Variants in VAC14 observed in about 807,000 individuals in gnomAD.
VAC14 encodes protein VAC14 homolog.
In VAC14, 47 loss-of-function variants were observed where a neutral mutation model predicts 85.3. The observed-to-expected ratio is 0.55, with a 90% CI of 0.44 to 0.70. VAC14 has a LOEUF of 0.70. Among genes scored for constraint, VAC14 ranks in the 30% least tolerant of loss-of-function variants. VAC14 has a pLI of 0.00. For synonymous variants in VAC14, 447 were observed against 430.5 expected (o/e 1.04, Z -0.47); for missense variants, 861 against 1,004.3 (o/e 0.86, Z 1.93).
chr16:70,778,234 G>A lies in VAC14; in HGVS notation c.1096+2556C>T, dbSNP rs571184626. Among the ~76,000 whole-genome samples the A allele has an allele frequency of 1.1e-4, 16 of 152,214 alleles. No homozygotes were observed. The South Asian group carries it at 1.2e-3, about 12-fold the overall frequency. On this transcript the variant is annotated intron_variant, in intron 9 of 18. Transcript: ENST00000261776. ...GCTGCACTGGCCGGGAATCAAACCC[G>A]GGCCTCCCGCGTGGCAGGCGAGAAT...
chr16:70,793,386 T>A (rs2034418381), intron 1 of VAC14, among the ~76,000 whole-genome samples: 1 of 152,186 alleles, frequency 6.6e-6, no homozygotes, highest in African/African-American at 2.4e-5. Flanking sequence ...ATTACACCCA[T>A]TTTACAGTTT....
At chr16:70,710,824 A>G (rs1295042067) in intron 14 of VAC14, among the ~76,000 whole-genome samples, 2 of 152,158 alleles carry the variant, frequency 1.3e-5, no homozygotes, top group Non-Finnish European at 2.9e-5. Flanking sequence ...TCCCTCCCCC[A>G]AATTATTTAA....
chr16:70,795,735 G>A (rs1026647383), intron 1 of VAC14, among the ~76,000 whole-genome samples: 1 of 152,182 alleles, frequency 6.6e-6, no homozygotes, highest in Non-Finnish European at 1.5e-5. Flanking sequence ...GGCATGGCCT[G>A]GGCCACCTAG....
intron 13 of VAC14, among the ~76,000 whole-genome samples, chr16:70,734,939 C>A (rs2054703097): frequency 6.6e-6 from 1 of 152,224 alleles, no homozygotes; most frequent in Non-Finnish European, 1.5e-5. Context: ...GTCTTCAGAG[C>A]CCATGTCCTT....
At chr16:70,765,117 C>G (rs1382754582) in intron 10 of VAC14, among the ~76,000 whole-genome samples, 1 of 152,108 alleles carries the variant, frequency 6.6e-6, no homozygotes, top group Non-Finnish European at 1.5e-5. Context: ...CTTTCCTGAC[C>G]CTGTGAGCCC....
chr16:70,698,085 C>T (rs557820898), intron 15 of VAC14, among the ~76,000 whole-genome samples: 7 of 152,310 alleles, frequency 4.6e-5, no homozygotes, highest in African/African-American at 1.4e-4. Flanking sequence ...TCTGACCAGT[C>T]GTTGGTGCAT....
intron 14 of VAC14, chr16:70,715,760 G>C (rs905889377): frequency 6.6e-6 from 1 of 152,336 alleles, no homozygotes; most frequent in South Asian, 2.1e-4. Context: ...TGGAAGACGC[G>C]TATGCGGTGG....
At chr16:70,725,147 G>A (rs1364445166) in intron 14 of VAC14, among the ~76,000 whole-genome samples, 2 of 152,250 alleles carry the variant, frequency 1.3e-5, no homozygotes, top group South Asian at 2.1e-4. Flanking sequence ...AGCACAATGG[G>A]CTTCTGGGGG....
intron 17 of VAC14, 53 bp from the exon 18 acceptor site, chr16:70,693,024 C>A: frequency 6.4e-7 from 1 of 1,572,920 alleles, no homozygotes; most frequent in Non-Finnish European, 8.6e-7. Flanking sequence ...CTGGGACACG[C>A]CCAGCCCACA....
At chr16:70,765,825 A>G (rs188208852) in intron 10 of VAC14, among the ~76,000 whole-genome samples, 21 of 152,130 alleles carry the variant, frequency 1.4e-4, no homozygotes, top group East Asian at 5.8e-4. Flanking sequence ...GTTAGCACAC[A>G]TTTTTCAGTG....
At chr16:70,736,012 T>C (rs961463878) in intron 13 of VAC14, among the ~76,000 whole-genome samples, 30 of 152,282 alleles carry the variant, frequency 2.0e-4, no homozygotes, top group African/African-American at 6.3e-4. Flanking sequence ...GGAGATGAAT[T>C]TGGTAGGCCG....
At chr16:70,722,476 G>C (rs1002000909) in intron 14 of VAC14, among the ~76,000 whole-genome samples, 13 of 152,222 alleles carry the variant, frequency 8.5e-5, no homozygotes, top group Non-Finnish European at 1.5e-4. Flanking sequence ...GACGGGGCCA[G>C]GGTTGTGGGG....
chr16:70,702,189 G>C (rs2053842121), intron 14 of VAC14, among the ~76,000 whole-genome samples: 1 of 152,232 alleles, frequency 6.6e-6, no homozygotes, highest in African/African-American at 2.4e-5. Flanking sequence ...CCAGTGTGTG[G>C]AAAACGGCAG....
chr16:70,800,801 C>A lies in VAC14; in HGVS notation c.100G>T (p.Glu34Ter). Residue 34 changes from glutamate to a stop codon, truncating the protein, a stop_gained, in exon 1 of 19, where the codon GAG (glutamate) becomes TAG (stop). Coordinates refer to ENST00000261776, the MANE Select transcript of VAC14 (RefSeq NM_018052.5). LOFTEE classifies it high-confidence loss of function. ...EKRKVAALEIEKLVREFVAQN... is the reference protein window; with the variant it reads ...EKRKVAALEI ...AGGGGTCCTGGCGGCTCTTACTTCT[C>A]GATCTCCAGCGCTGCCACCTTCCGC... 6.2e-7 allele frequency: 1 copy of A among 1,609,828 alleles called. No individual in the cohort carries two copies. Among genetic ancestry groups the A allele is most frequent in the Admixed American group, 1.7e-5 (1 of 59,798 alleles).
At chr16:70,695,891 G>A (rs967971266) in intron 16 of VAC14, 13 of 345,076 alleles carry the variant, frequency 3.8e-5, no homozygotes, top group South Asian at 2.6e-4. Flanking sequence ...TTATCACAGC[G>A]CTGCAGCCCG....
At chr16:70,694,074 C>G (rs3785426) in intron 17 of VAC14, among the ~76,000 whole-genome samples, 78,980 of 152,198 alleles carry the variant, frequency 0.52, 21,426 homozygotes, top group Non-Finnish European at 0.59. Flanking sequence ...CCGGTGGCCA[C>G]ACCAGCCACC....
chr16:70,762,696 A>G lies in VAC14; in HGVS notation c.1306-91T>C. 6.7e-7 allele frequency: 1 copy of G among 1,500,702 alleles called. No individual in the cohort carries two copies. Among genetic ancestry groups the G allele is most frequent in the African/African-American group, 1.4e-5 (1 of 72,670 alleles). The allele number at this position is 1,500,702 out of a possible 1,614,324, so 93.0% of individuals were successfully genotyped here. On this transcript the variant is annotated intron_variant, in intron 11 of 18. Coordinates refer to ENST00000261776, the MANE Select transcript of VAC14 (RefSeq NM_018052.5). The surrounding 1 kb of genome is among the most constrained non-coding windows in gnomAD (Gnocchi z 4.1). ...GTGTCCCGCTGGTGTGCACGGACCC[A>G]CTGGTCTGCACGGACCACTTCCCTC...
intron 14 of VAC14, among the ~76,000 whole-genome samples, chr16:70,704,113 C>T (rs991057494): frequency 1.3e-5 from 2 of 152,200 alleles, no homozygotes; most frequent in African/African-American, 4.8e-5. Flanking sequence ...GGGAGATGCT[C>T]TCCCAAACCC....
intron 14 of VAC14, among the ~76,000 whole-genome samples, chr16:70,718,583 A>C (rs374696581): frequency 2.7e-4 from 41 of 151,548 alleles, no homozygotes; most frequent in Middle Eastern, 3.4e-3. Context: ...TAAAAAAAAA[A>C]AAAACAAAAA....
Sources: gnomAD v4.1 joint callset for allele counts (sites outside exome capture counted in the v4.1 genomes callset) on GRCh38, gnomAD v4.1.1 for gene constraint, Gnocchi (gnomAD v3.1) non-coding constraint, MANE v1.5 for transcripts, NCBI Gene and HGNC (gene_info 2026-07-23, HGNC 2026-07-21) for gene names.